TUBGCP3: variants seen among roughly 807,000 people sequenced by gnomAD.
TUBGCP3 encodes the protein gamma-tubulin complex component 3.
In TUBGCP3, 50 loss-of-function variants were observed where a neutral mutation model predicts 123.1. The observed-to-expected ratio is 0.41, with a 90% CI of 0.32 to 0.51. The LOEUF is 0.51. Ranked by LOEUF, TUBGCP3 falls within the 20% of genes least tolerant of loss-of-function variation. TUBGCP3 has a pLI of 0.36. For synonymous variants in TUBGCP3, 405 were observed against 413.9 expected, an observed-to-expected ratio of 0.98 and a Z score of 0.26; for missense variants, 882 against 1,127.0, an observed-to-expected ratio of 0.78 and a Z score of 3.11.
chr13:112,599,956 T>G, the TUBGCP3 span, among the ~76,000 whole-genome samples: 1 of 152,218 alleles, frequency 6.6e-6, no homozygotes, highest in Non-Finnish European at 1.5e-5. Context: ...TCTCCTATAA[T>G]TAGCATCTTG....
chr13:112,579,273 C>G (rs995112360), intron 1 of TUBGCP3, among the ~76,000 whole-genome samples: 1 of 152,272 alleles, frequency 6.6e-6, no homozygotes, highest in Non-Finnish European at 1.5e-5. Flanking sequence ...ACTAACACTG[C>G]TGAGTGCAGG....
Position 112,519,789 on chromosome 13 carries a change from T to C in TUBGCP3, c.1881+97A>G. ...AGTTTCCAGAAAGATAACGGCTAGC[T>C]GTGCCTGAAACAACATGGAAAACAC... On this transcript the variant is annotated intron_variant, in intron 15 of 21. Transcript: ENST00000261965. This position sits in a 1 kb window ranked among gnomAD's most constrained non-coding sequence, Gnocchi z 6.2. 1 of 1,451,156 alleles carries C rather than the reference T, an allele frequency of 6.9e-7. No homozygotes were observed. The highest frequency in any genetic ancestry group is 9.1e-7 in the Non-Finnish European group (1 of 1,097,084). The allele number at this position is 1,451,156 out of a possible 1,614,324, so 89.9% of individuals were successfully genotyped here.
chr13:112,554,824 T>A (rs780130944), intron 7 of TUBGCP3, 63 bp downstream of exon 7: 1 of 1,215,460 alleles, frequency 8.2e-7, no homozygotes, highest in South Asian at 1.4e-5. Context: ...ACAGCCACTA[T>A]CTGGACTTCA....
intron 11 of TUBGCP3, among the ~76,000 whole-genome samples, chr13:112,538,095 C>T (rs1878218301): frequency 6.6e-6 from 1 of 152,180 alleles, no homozygotes; most frequent in Admixed American, 6.5e-5. Context: ...GGTTTTCCCA[C>T]CTGCCACTTT....
chr13:112,487,952 TG>T (rs1879787165), intron 21 of TUBGCP3, among the ~76,000 whole-genome samples: 1 of 151,760 alleles, frequency 6.6e-6, no homozygotes, highest in Admixed American at 6.6e-5. Flanking sequence ...GCCAACATGG[TG>T]AAACCCTGTC....
intron 11 of TUBGCP3, among the ~76,000 whole-genome samples, chr13:112,534,239 A>AT (rs1292654510): frequency 2.0e-5 from 3 of 152,218 alleles, no homozygotes; most frequent in Admixed American, 6.5e-5. Context: ...CCTCATGCCC[A>AT]TATCAATCCA....
chr13:112,495,021 C>A (rs1021724144), intron 20 of TUBGCP3, among the ~76,000 whole-genome samples: 1 of 152,188 alleles, frequency 6.6e-6, no homozygotes, highest in African/African-American at 2.4e-5. Context: ...CTCTGGGCTG[C>A]CTCTTCACTT....
At chr13:112,530,939 A>G (rs1010665826) in intron 11 of TUBGCP3, among the ~76,000 whole-genome samples, 1 of 152,236 alleles carries the variant, frequency 6.6e-6, no homozygotes, top group African/African-American at 2.4e-5. Context: ...ATATTTTTCT[A>G]TTAGAAAAAA....
chr13:112,540,312 C>T lies in TUBGCP3; in HGVS notation c.1335+5387G>A, dbSNP rs9577783. ...GCATTCAGGTGGTCTTGGGAAAGGACACCTGGGAATGAGGACGTCAATGTA... is the reference window on the plus strand; with the variant it reads ...GCATTCAGGTGGTCTTGGGAAAGGATACCTGGGAATGAGGACGTCAATGTA... On this transcript the variant is annotated intron_variant, in intron 11 of 21. Coordinates refer to ENST00000261965, the MANE Select transcript of TUBGCP3 (RefSeq NM_006322.6). 4.3e-4 allele frequency among the ~76,000 whole-genome samples: 58 copies of T among 135,664 alleles called. 1 individual carries two copies. Among genetic ancestry groups the T allele is most frequent in the African/African-American group, 1.3e-3 (48 of 37,726 alleles). The allele number at this position is 135,664 out of a possible 152,430, so 89.0% of individuals were successfully genotyped here.
At chr13:112,563,617 A>G (rs1339735597) in intron 3 of TUBGCP3, among the ~76,000 whole-genome samples, 1 of 150,848 alleles carries the variant, frequency 6.6e-6, no homozygotes, top group Non-Finnish European at 1.5e-5. Flanking sequence ...TAATCCCACC[A>G]CTTTGGGAGG....
chr13:112,561,599 G>A (rs1256600745), intron 3 of TUBGCP3, among the ~76,000 whole-genome samples: 2 of 152,176 alleles, frequency 1.3e-5, no homozygotes, highest in Non-Finnish European at 2.9e-5. Flanking sequence ...AGAGAAGACA[G>A]AAGAAAGAGC....
At chr13:112,491,273 T>C (rs1197268243) in intron 20 of TUBGCP3, among the ~76,000 whole-genome samples, 3 of 152,252 alleles carry the variant, frequency 2.0e-5, no homozygotes, top group African/African-American at 7.2e-5. Context: ...ATATAGGCAG[T>C]TATGAATTTT....
rs766017188 is a variant in TUBGCP3, at chr13:112,485,955, C to G, written c.*38G>C. ...GGGAATTTCGTGTCTAGCAGTGCAA[C>G]GAACATCACCCGCAGCTCCCTGGGA... is the stretch of plus-strand genomic sequence containing the variant. On this transcript the variant is annotated 3_prime_UTR_variant, in exon 22 of 22. Coordinates refer to ENST00000261965, the MANE Select transcript of TUBGCP3 (RefSeq NM_006322.6). 2 of 1,422,426 alleles carry G rather than the reference C, an allele frequency of 1.4e-6. No homozygotes were observed. Among genetic ancestry groups the G allele is most frequent in the Non-Finnish European group, 1.9e-6 (2 of 1,053,068 alleles). 88.1% of individuals were successfully genotyped at this position (1,422,426 alleles called of 1,614,324 possible). A position where few individuals can be genotyped will look rare whatever the true frequency, so the allele number is the denominator to read the frequency against.
At chr13:112,531,292 A>T (rs75387108) in intron 11 of TUBGCP3, among the ~76,000 whole-genome samples, 6 of 152,220 alleles carry the variant, frequency 3.9e-5, no homozygotes, top group Non-Finnish European at 8.8e-5. Context: ...TTAAGTATCA[A>T]TGTAAATGAC....
chr13:112,525,951 T>C (rs968106861), intron 13 of TUBGCP3, among the ~76,000 whole-genome samples: 3 of 152,216 alleles, frequency 2.0e-5, no homozygotes, highest in South Asian at 2.1e-4. Context: ...CATAATACTA[T>C]GTATTAAGGT....
chr13:112,502,252 T>C (rs1348756303), intron 19 of TUBGCP3, among the ~76,000 whole-genome samples: 1 of 152,182 alleles, frequency 6.6e-6, no homozygotes, highest in African/African-American at 2.4e-5. Context: ...AGCTATGAAG[T>C]GAAACTCCAC....
intron 11 of TUBGCP3, among the ~76,000 whole-genome samples, chr13:112,538,256 A>G (rs1878232715): frequency 6.6e-6 from 1 of 152,234 alleles, no homozygotes; most frequent in Admixed American, 6.5e-5. Context: ...TTCTGATATC[A>G]GATTCTCTGA....
chr13:112,579,223 TATCAC>T (rs1418838369), intron 1 of TUBGCP3, among the ~76,000 whole-genome samples: 5 of 152,156 alleles, frequency 3.3e-5, no homozygotes, highest in African/African-American at 1.2e-4. Context: ...CACACTGAGA[TATCAC>T]AACACACTTG....
chr13:112,516,961 G>A (rs911083199), intron 16 of TUBGCP3, among the ~76,000 whole-genome samples: 7 of 152,202 alleles, frequency 4.6e-5, no homozygotes, highest in East Asian at 1.9e-4. Flanking sequence ...AGAATCTCCC[G>A]TCTGAAAAGA....
Sources: allele counts gnomAD v4.1 joint callset (sites outside exome capture counted in the v4.1 genomes callset), GRCh38; gene constraint gnomAD v4.1.1; non-coding constraint Gnocchi (gnomAD v3.1); transcripts MANE v1.5; gene names NCBI Gene and HGNC (gene_info 2026-07-23, HGNC 2026-07-21).